Variants in CCNH observed in about 807,000 individuals in gnomAD.
CCNH encodes cyclin-H.
In CCNH, 31 loss-of-function variants were observed where a neutral mutation model predicts 41.9. That is an observed-to-expected ratio of 0.74 (90% confidence interval 0.56 to 1.00). CCNH has a LOEUF of 1.00. Among genes scored for constraint, CCNH ranks in the 50% least tolerant of loss-of-function variants. The pLI is 0.00. For synonymous variants in CCNH, 138 were observed against 136.1 expected (o/e 1.01, Z -0.10); for missense variants, 362 against 388.4 (o/e 0.93, Z 0.57).
intron 9 of CCNH, among the ~76,000 whole-genome samples, chr5:87,354,263 A>G (rs1055591674): frequency 2.0e-5 from 3 of 152,146 alleles, no homozygotes; most frequent in South Asian, 2.1e-4. Context: ...TTATGTTTCA[A>G]AGATAGTTTT....
Position 87,394,307 on chromosome 5 carries a change from C to T in CCNH, c.*139G>A, listed in dbSNP as rs1029045151. On this transcript the variant is annotated 3_prime_UTR_variant, in exon 9 of 9. Coordinates refer to ENST00000256897, the MANE Select transcript of CCNH (RefSeq NM_001239.4). ...AGATGGTTTATTTTACATAAAGTTA[C>T]TGTGAAAGGGAAAGAAAACAATAGA... 6 of 1,360,162 alleles carry T rather than the reference C, an allele frequency of 4.4e-6. No homozygotes were observed. Among genetic ancestry groups the T allele is most frequent in the African/African-American group, 1.5e-5 (1 of 67,172 alleles). The allele number at this position is 1,360,162 out of a possible 1,614,324, so 84.3% of individuals were successfully genotyped here.
intron 9 of CCNH, among the ~76,000 whole-genome samples, chr5:87,332,007 A>G (rs1177273279): frequency 2.0e-5 from 3 of 152,160 alleles, no homozygotes; most frequent in Non-Finnish European, 4.4e-5. Context: ...AAGAAATTGA[A>G]AAAAATCATC....
At chr5:87,377,708 C>CTGGA (rs1334913963), upstream of CCNH, among the ~76,000 whole-genome samples, 1 of 152,114 alleles carries the variant, frequency 6.6e-6, no homozygotes, top group Non-Finnish European at 1.5e-5. Context: ...TCCCAAGCTG[C>CTGGA]TGGACACAGT....
rs1170103731 is a variant in CCNH, at chr5:87,401,772, A to C, written c.690T>G (p.Ser230Arg). The change falls in exon 6 of 9, where the codon AGT (serine) becomes AGG (arginine). Residue 230 changes from serine to arginine, a missense_variant and splice_region_variant. By Grantham distance (110) the Ser-to-Arg change is moderately radical. Transcript: ENST00000256897. ...TCAGCATCAGACTCTCTGATAAATAACTAGTAAAGAAAAGAAAAAAAAATC... is the reference window on the plus strand; with the variant it reads ...TCAGCATCAGACTCTCTGATAAATACCTAGTAAAGAAAAGAAAAAAAAATC... The part of the protein sequence containing the change: ...SASRAGITME[S>R]YLSESLMLKE... 6.4e-7 allele frequency: 1 copy of C among 1,559,012 alleles called. No homozygotes were observed. The highest frequency in any genetic ancestry group is 8.7e-7 in the Non-Finnish European group (1 of 1,153,648).
the CCNH span, among the ~76,000 whole-genome samples, chr5:87,311,480 C>CA: frequency 6.6e-6 from 1 of 152,168 alleles, no homozygotes; most frequent in Non-Finnish European, 1.5e-5. Flanking sequence ...GTTATACTCA[C>CA]AGTAATAATA....
chr5:87,353,563 T>C (rs994403323), intron 9 of CCNH, among the ~76,000 whole-genome samples: 15 of 151,572 alleles, frequency 9.9e-5, no homozygotes, highest in Admixed American at 9.9e-4. Flanking sequence ...GCCTGGGGAG[T>C]AATAAAAGGA....
intron 7 of CCNH, among the ~76,000 whole-genome samples, chr5:87,397,618 G>A (rs1282657901): frequency 1.3e-5 from 2 of 151,546 alleles, no homozygotes; most frequent in East Asian, 1.9e-4. Context: ...AAAGTCCTTC[G>A]CAGTTTGAGA....
intron 9 of CCNH, among the ~76,000 whole-genome samples, chr5:87,345,708 T>TA (rs1309282814): frequency 1.3e-5 from 2 of 152,196 alleles, no homozygotes; most frequent in Non-Finnish European, 2.9e-5. Flanking sequence ...ATGGATCATT[T>TA]AAAACAATGT....
At chr5:87,395,283 T>G (rs1180015867) in intron 7 of CCNH, among the ~76,000 whole-genome samples, 179 bp from the exon 8 acceptor site, 1 of 152,194 alleles carries the variant, frequency 6.6e-6, no homozygotes, top group Non-Finnish European at 1.5e-5. Context: ...AATCAATCTT[T>G]AAATTAAATG....
downstream of CCNH, chr5:87,390,993 C>A: frequency 1.8e-6 from 2 of 1,087,070 alleles, no homozygotes; most frequent in Non-Finnish European, 1.4e-6. Flanking sequence ...TTTCCACATT[C>A]CAGTGATGTG....
intron 9 of CCNH, among the ~76,000 whole-genome samples, chr5:87,336,640 T>C (rs1757993568): frequency 6.6e-6 from 1 of 152,138 alleles, no homozygotes; most frequent in Admixed American, 6.5e-5. Flanking sequence ...AAAGTTGGTA[T>C]AGCAACAACA....
intron 9 of CCNH, among the ~76,000 whole-genome samples, chr5:87,358,955 T>TTAC (rs1337198285): frequency 3.9e-5 from 2 of 51,236 alleles, no homozygotes; most frequent in African/African-American, 7.8e-5. Flanking sequence ...CAAATGACAC[T>TTAC]TTACCTAGAC....
intron 9 of CCNH, among the ~76,000 whole-genome samples, chr5:87,339,871 T>C (rs1758311031): frequency 1.3e-5 from 2 of 152,146 alleles, no homozygotes; most frequent in African/African-American, 4.8e-5. Context: ...TCTTTGTAGA[T>C]TGAAAAACCA....
chr5:87,333,848 A>T (rs1757767121), intron 9 of CCNH, among the ~76,000 whole-genome samples: 2 of 151,878 alleles, frequency 1.3e-5, no homozygotes, highest in Admixed American at 1.3e-4. Flanking sequence ...CTTACCATTA[A>T]TTCTCTCATT....
chr5:87,376,999 T>C lies in CCNH; in HGVS notation n.182A>G, dbSNP rs982780381. The C allele has an allele frequency of 1.9e-6, 3 of 1,613,844 alleles. No individual in the cohort carries two copies. Among genetic ancestry groups the C allele is most frequent in the South Asian group, 2.2e-5 (2 of 91,082 alleles). ...TTTCTTCACGAAAAGCTTGAATCGT[T>C]GTTGTTATGCACACTAAATGACAGA... On this transcript the variant is annotated non_coding_transcript_exon_variant, in exon 1 of 1. Transcript: ENST00000607486.
intron 5 of CCNH, among the ~76,000 whole-genome samples, chr5:87,403,823 A>C (rs1264845198): frequency 6.6e-6 from 1 of 152,174 alleles, no homozygotes; most frequent in Non-Finnish European, 1.5e-5. Flanking sequence ...ATGGAAGTCC[A>C]CATCTTAACT....
At chr5:87,373,489 T>G (rs1761099341), downstream of CCNH, among the ~76,000 whole-genome samples, 1 of 152,126 alleles carries the variant, frequency 6.6e-6, no homozygotes, top group South Asian at 2.1e-4. Flanking sequence ...ATAACTAGTT[T>G]GTAATACTTA....
intron 9 of CCNH, chr5:87,362,811 A>G (rs533602668): frequency 1.1e-6 from 1 of 935,910 alleles, no homozygotes; most frequent in East Asian, 2.6e-5. Flanking sequence ...ATATATAAGC[A>G]TTCTTCAAAA....
chr5:87,325,715 A>G (rs967536586), intron 9 of CCNH, among the ~76,000 whole-genome samples: 2 of 152,208 alleles, frequency 1.3e-5, no homozygotes, highest in African/African-American at 4.8e-5. Context: ...TTCTTTTTAT[A>G]AAAGGAACTC....
Sources: gnomAD v4.1 joint callset for allele counts (sites outside exome capture counted in the v4.1 genomes callset) on GRCh38, gnomAD v4.1.1 for gene constraint, MANE v1.5 for transcripts, NCBI Gene and HGNC (gene_info 2026-07-23, HGNC 2026-07-21) for gene names.